STK32B: variants seen among roughly 807,000 people sequenced by gnomAD.
STK32B encodes the protein serine/threonine-protein kinase 32B.
A neutral mutation model predicts 52.6 loss-of-function variants in STK32B; 43 were observed. The observed-to-expected ratio is 0.82, with a 90% CI of 0.64 to 1.05. The LOEUF is 1.05. Ranked by LOEUF, STK32B falls within the 50% of genes least tolerant of loss-of-function variation. The probability of loss-of-function intolerance (pLI) is 0.00; values close to 1 mark genes in which losing one functional copy is unlikely to be tolerated. For synonymous variants in STK32B, 238 were observed against 204.3 expected (o/e 1.17, Z -1.41); for missense variants, 621 against 534.6 (o/e 1.16, Z -1.59).
chr4:5,299,702 C>T (rs1272244240), intron 3 of STK32B, among the ~76,000 whole-genome samples: 4 of 152,092 alleles, frequency 2.6e-5, no homozygotes, highest in African/African-American at 7.2e-5. Flanking sequence ...GGTAATGTGA[C>T]GTTTCTTGCT....
intron 1 of STK32B, among the ~76,000 whole-genome samples, chr4:5,092,856 C>T (rs1421974371): frequency 6.6e-6 from 1 of 152,076 alleles, no homozygotes; most frequent in African/African-American, 2.4e-5. Context: ...ATTTGACATG[C>T]GATTTGGGTG....
At position 5,431,609 on chromosome 4, in the gene STK32B, G is replaced by T. The variant is rs146863157; in HGVS notation, c.562+14675G>T. ...ATTTCTGCCCTTTATCAGAGCTTAC[G>T]TATTTACTCATTAGCCAATTAAACA... On this transcript the variant is annotated intron_variant, in intron 6 of 11. Coordinates refer to ENST00000282908, the MANE Select transcript of STK32B (RefSeq NM_018401.3). Among the ~76,000 whole-genome samples, 5 of 151,698 alleles carry T rather than the reference G, an allele frequency of 3.3e-5. No homozygotes were observed. The East Asian group carries it at 7.7e-4, about 23-fold the overall frequency.
intron 3 of STK32B, among the ~76,000 whole-genome samples, chr4:5,236,016 A>G (rs1451678009): frequency 6.6e-6 from 1 of 152,088 alleles, no homozygotes; most frequent in Non-Finnish European, 1.5e-5. Context: ...GGTCTGGCAC[A>G]GCCAGAGCAG....
At chr4:5,443,206 A>G (rs1266594562) in intron 6 of STK32B, among the ~76,000 whole-genome samples, 2 of 147,724 alleles carry the variant, frequency 1.4e-5, no homozygotes, top group Non-Finnish European at 3.0e-5. Flanking sequence ...GTGTTTTCCA[A>G]CTTGGTTCCA....
Position 5,217,901 on chromosome 4 carries a change from C to G in STK32B, c.260+49451C>G, listed in dbSNP as rs1023343270. ...CTACCAGAACTATAGTGTTCTCATG[C>G]GGTGAAACTACTATGAACCTCACAG... is the stretch of plus-strand genomic sequence containing the variant. On this transcript the variant is annotated intron_variant, in intron 3 of 11. Transcript: ENST00000282908. 2.0e-4 allele frequency among the ~76,000 whole-genome samples: 30 copies of G among 152,120 alleles called. 1 individual carries two copies. The highest frequency in any genetic ancestry group is 2.0e-3 in the Admixed American group (30 of 15,270).
At chr4:5,278,911 C>G (rs1274127453) in intron 3 of STK32B, among the ~76,000 whole-genome samples, 1 of 152,124 alleles carries the variant, frequency 6.6e-6, no homozygotes, top group Non-Finnish European at 1.5e-5. Context: ...TGAGAACACA[C>G]TCACTATCAT....
chr4:5,469,642 T>C lies in STK32B; in HGVS notation c.1106+1572T>C, dbSNP rs934243925. ...GCAGCAGCCTTTCACTGACCCTGAG[T>C]GGCTATAGCTCTGAGGGCCAATGGG... On this transcript the variant is annotated intron_variant, in intron 11 of 11. Transcript: ENST00000282908. This position sits in a 1 kb window ranked among gnomAD's most constrained non-coding sequence, Gnocchi z 4.7. Among the ~76,000 whole-genome samples, 1 of 152,046 alleles carries C rather than the reference T, an allele frequency of 6.6e-6. No individual in the cohort carries two copies. The highest frequency in any genetic ancestry group is 2.4e-5 in the African/African-American group (1 of 41,392).
chr4:5,396,186 A>G lies in STK32B; in HGVS notation c.435-2021A>G, dbSNP rs1473409975. ...AGAAGTCCAAAATCAAAGAGGAGTC[A>G]TGGCTGTGCTTCCTCTGGAGGTTCA... On this transcript the variant is annotated intron_variant, in intron 4 of 11. Coordinates refer to ENST00000282908, the MANE Select transcript of STK32B (RefSeq NM_018401.3). This position sits in a 1 kb window ranked among gnomAD's most constrained non-coding sequence, Gnocchi z 4.7. Among the ~76,000 whole-genome samples the G allele has an allele frequency of 6.6e-6, 1 of 152,220 alleles. No homozygotes were observed. The highest frequency in any genetic ancestry group is 1.5e-5 in the Non-Finnish European group (1 of 68,026).
chr4:5,247,354 G>A (rs1207279664), intron 3 of STK32B, among the ~76,000 whole-genome samples: 1 of 152,202 alleles, frequency 6.6e-6, no homozygotes, highest in Non-Finnish European at 1.5e-5. Context: ...GGCTCCATAG[G>A]CGTAGGACCC....
chr4:5,280,750 T>A (rs912842744), intron 3 of STK32B, among the ~76,000 whole-genome samples: 1 of 151,754 alleles, frequency 6.6e-6, no homozygotes, highest in Non-Finnish European at 1.5e-5. Flanking sequence ...CACAAAAAAA[T>A]TAGCCAGGCA....
intron 6 of STK32B, among the ~76,000 whole-genome samples, chr4:5,427,296 A>C (rs1024880672): frequency 6.6e-6 from 1 of 152,188 alleles, no homozygotes; most frequent in Non-Finnish European, 1.5e-5. Context: ...CAATGTACTA[A>C]TATCTTGTTC....
Position 5,081,177 on chromosome 4 carries a change from T to TA in STK32B, c.52+29263dup, listed in dbSNP as rs776928081. On this transcript the variant is annotated intron_variant, in intron 1 of 11. Coordinates refer to ENST00000282908, the MANE Select transcript of STK32B (RefSeq NM_018401.3). ...CTGAATAGTATTTAGGGCTGACTAATACGTTTAATATATATATACATACCA... is the reference window on the plus strand; with the variant it reads ...CTGAATAGTATTTAGGGCTGACTAATAACGTTTAATATATATATACATACCA... Among the ~76,000 whole-genome samples, 22 of 152,346 alleles carry TA rather than the reference T, an allele frequency of 1.4e-4. No homozygotes were observed. The East Asian group carries it at 4.2e-3, about 29-fold the overall frequency.
chr4:5,207,262 A>G (rs550891007), intron 3 of STK32B, among the ~76,000 whole-genome samples: 26 of 152,306 alleles, frequency 1.7e-4, no homozygotes, highest in African/African-American at 5.8e-4. Context: ...CTCATCTTGA[A>G]TTTTAGCTCC....
At chr4:5,215,915 C>T (rs1261020943) in intron 3 of STK32B, among the ~76,000 whole-genome samples, 1 of 152,176 alleles carries the variant, frequency 6.6e-6, no homozygotes, top group Non-Finnish European at 1.5e-5. Context: ...GGTCTGCTCA[C>T]TTTACTCAGT....
At chr4:5,452,551 G>C (rs762616271) in intron 7 of STK32B, among the ~76,000 whole-genome samples, 1 of 152,110 alleles carries the variant, frequency 6.6e-6, no homozygotes, top group African/African-American at 2.4e-5. Context: ...ATGATTCAAC[G>C]GTTCCAGGGG....
At chr4:5,264,481 TAAAA>T (rs943268678) in intron 3 of STK32B, among the ~76,000 whole-genome samples, 4 of 139,304 alleles carry the variant, frequency 2.9e-5, no homozygotes, top group South Asian at 2.2e-4. Context: ...TTTTAAAACT[TAAAA>T]AAAAAAATTG....
chr4:5,251,977 C>T (rs912330579), intron 3 of STK32B, among the ~76,000 whole-genome samples: 7 of 152,126 alleles, frequency 4.6e-5, no homozygotes, highest in Admixed American at 3.3e-4. Context: ...TGAGAAGGTA[C>T]AGTTGTAAAT....
chr4:5,117,942 T>C (rs1714826084), intron 1 of STK32B, among the ~76,000 whole-genome samples: 1 of 152,216 alleles, frequency 6.6e-6, no homozygotes, highest in Admixed American at 6.5e-5. Context: ...AATGTGCTGT[T>C]GAATTCAGTT....
intron 1 of STK32B, among the ~76,000 whole-genome samples, chr4:5,128,324 G>A (rs964355535): frequency 1.3e-5 from 2 of 152,142 alleles, no homozygotes; most frequent in Non-Finnish European, 2.9e-5. Context: ...TGCATAAGGC[G>A]GTGTTTGCTT....
Sources: gnomAD v4.1 joint callset for allele counts (sites outside exome capture counted in the v4.1 genomes callset) on GRCh38, gnomAD v4.1.1 for gene constraint, Gnocchi (gnomAD v3.1) non-coding constraint, MANE v1.5 for transcripts, NCBI Gene and HGNC (gene_info 2026-07-23, HGNC 2026-07-21) for gene names.